The following NEDD1 variants were observed in gnomAD, a reference collection of about 807,000 sequenced individuals.
NEDD1 encodes protein NEDD1.
A neutral mutation model predicts 74.0 loss-of-function variants in NEDD1; 33 were observed. That is an observed-to-expected ratio of 0.45 (90% CI 0.34 to 0.60). NEDD1 has a LOEUF of 0.60. Ranked by LOEUF, NEDD1 falls within the 20% of genes least tolerant of loss-of-function variation. NEDD1 has a pLI of 0.01. For missense variants in NEDD1, 746 were observed against 776.5 expected (o/e 0.96, Z 0.47); for synonymous variants, 250 against 264.4 (o/e 0.95, Z 0.53).
chr12:96,907,492 G>C, intron 1 of NEDD1, 112 bp from the exon 2 acceptor site: 3 of 880,782 alleles, frequency 3.4e-6, no homozygotes, highest in Non-Finnish European at 5.5e-6. Flanking sequence ...GGCGCGGGCC[G>C]GGGTCGCGCA....
intron 4 of NEDD1, among the ~76,000 whole-genome samples, chr12:96,915,118 T>C (rs887453087): frequency 1.3e-5 from 2 of 152,244 alleles, no homozygotes; most frequent in African/African-American, 4.8e-5. Context: ...GCAGGAGAAT[T>C]ACAGCAACTA....
rs542713779 is a variant in NEDD1, at chr12:96,943,439, A to G, written c.1295-121A>G. ...GCGGGGTGTATCTGAGAAACAAACCAGTCTTCAGAATGCAGATCCATATCT... is the reference window on the plus strand; with the variant it reads ...GCGGGGTGTATCTGAGAAACAAACCGGTCTTCAGAATGCAGATCCATATCT... On this transcript the variant is annotated intron_variant, in intron 11 of 15. Transcript: ENST00000266742. The G allele has an allele frequency of 5.8e-5, 40 of 685,230 alleles. 1 individual carries two copies. The highest frequency in any genetic ancestry group is 2.4e-4 in the South Asian group (13 of 53,762). The allele number at this position is 685,230 out of a possible 1,614,324, so 42.4% of individuals were successfully genotyped here. A position where few individuals can be genotyped will look rare whatever the true frequency, so the allele number is the denominator to read the frequency against.
At chr12:96,918,784 TATA>T (rs746467853) in intron 5 of NEDD1, among the ~76,000 whole-genome samples, 1 of 152,214 alleles carries the variant, frequency 6.6e-6, no homozygotes, top group Non-Finnish European at 1.5e-5. Flanking sequence ...CTTGCCTCTT[TATA>T]AAGTCATAGA....
At chr12:96,932,456 AAAAAAAAATAT>A (rs1876594939) in intron 6 of NEDD1, among the ~76,000 whole-genome samples, 1 of 58,708 alleles carries the variant, frequency 1.7e-5, no homozygotes, top group Non-Finnish European at 3.3e-5. Flanking sequence ...AAAAAAAAAA[AAAAAAAAATAT>A]ATATATATAT....
At chr12:96,945,087 G>C (rs1878068759) in intron 13 of NEDD1, among the ~76,000 whole-genome samples, 1 of 151,932 alleles carries the variant, frequency 6.6e-6, no homozygotes, top group Non-Finnish European at 1.5e-5. Flanking sequence ...AAAAGGGTTG[G>C]TTAACTACCT....
chr12:96,918,792 CAT>C (rs1328156752), intron 5 of NEDD1, among the ~76,000 whole-genome samples: 8 of 152,158 alleles, frequency 5.3e-5, no homozygotes, highest in Non-Finnish European at 1.0e-4. Context: ...TTTATAAAGT[CAT>C]AGAAATTACA....
chr12:96,917,488 T>G (rs1368112769), intron 4 of NEDD1, 133 bp from the exon 5 acceptor site: 1 of 1,051,924 alleles, frequency 9.5e-7, no homozygotes. Context: ...GGCTCTTTAG[T>G]ACAAGATTAG....
At chr12:96,911,814 C>T (rs544439520) in intron 3 of NEDD1, among the ~76,000 whole-genome samples, 2 of 152,238 alleles carry the variant, frequency 1.3e-5, no homozygotes, top group African/African-American at 4.8e-5. Flanking sequence ...AATAAAATTA[C>T]AGTCTATGCT....
chr12:96,928,570 TC>T (rs1400626184), intron 6 of NEDD1, among the ~76,000 whole-genome samples: 2 of 152,052 alleles, frequency 1.3e-5, no homozygotes, highest in African/African-American at 4.8e-5. Context: ...AGTTTTTTAT[TC>T]CTAGGTTATT....
intron 6 of NEDD1, among the ~76,000 whole-genome samples, chr12:96,930,209 A>C (rs866407759): frequency 1.1e-5 from 1 of 94,032 alleles, no homozygotes; most frequent in African/African-American, 4.8e-5. Context: ...ACACACACAC[A>C]CACTCTCTCT....
At chr12:96,929,515 G>A (rs1376528129) in intron 6 of NEDD1, among the ~76,000 whole-genome samples, 1 of 147,466 alleles carries the variant, frequency 6.8e-6, no homozygotes, top group Non-Finnish European at 1.5e-5. Flanking sequence ...AGGTCAAAGT[G>A]GCTTTTCTAA....
rs758193257 is a variant in NEDD1, at chr12:96,951,506, T to C, written c.1878+8T>C. On this transcript the variant is annotated splice_region_variant and intron_variant, in intron 15 of 15. Coordinates refer to ENST00000266742, the MANE Select transcript of NEDD1 (RefSeq NM_152905.4). ...CAGTTTCATATGCAACTGGTATGTA[T>C]GGCAAATTTTATTTTAATATTTTAA... The C allele has an allele frequency of 5.7e-6, 8 of 1,397,508 alleles. No homozygotes were observed. The highest frequency in any genetic ancestry group is 2.3e-5 in the East Asian group (1 of 43,290). The allele number at this position is 1,397,508 out of a possible 1,614,324, so 86.6% of individuals were successfully genotyped here. A position where few individuals can be genotyped will look rare whatever the true frequency, so the allele number is the denominator to read the frequency against.
chr12:96,907,356 C>A (rs1440124588), intron 1 of NEDD1, 56 bp downstream of exon 1: 4 of 404,082 alleles, frequency 9.9e-6, no homozygotes, highest in Non-Finnish European at 1.7e-5. Flanking sequence ...GTCCGCGCAC[C>A]CTCCCGATCC....
In NEDD1 at chr12:96,944,804, A is replaced by G. The variant is rs1431775264; in HGVS notation, c.1654+9A>G. On this transcript the variant is annotated intron_variant, in intron 13 of 15. Transcript: ENST00000266742. ...TGGATCCTCAACTCCAAGTAAGTACATGAAACTTCCTGATGTTTGAAAGTG... is the reference window on the plus strand; with the variant it reads ...TGGATCCTCAACTCCAAGTAAGTACGTGAAACTTCCTGATGTTTGAAAGTG... The G allele has an allele frequency of 3.3e-6, 5 of 1,525,282 alleles. No homozygotes were observed. Among genetic ancestry groups the G allele is most frequent in the South Asian group, 1.3e-5 (1 of 77,176 alleles). 94.5% of individuals were successfully genotyped at this position (1,525,282 alleles called of 1,614,324 possible).
intron 14 of NEDD1, among the ~76,000 whole-genome samples, chr12:96,949,799 A>G (rs1878532655): frequency 6.6e-6 from 1 of 152,120 alleles, no homozygotes; most frequent in Admixed American, 6.6e-5. Context: ...AAATGGAATA[A>G]TCAGTAAGTT....
At position 96,945,698 on chromosome 12, in the gene NEDD1, A is replaced by C. The variant is rs1206591033; in HGVS notation, c.1660A>C (p.Lys554Gln). ...TTCTTCATTCTTTATTTTAGATCCA[A>C]AGATAGCATCTTCTGTCACTGCTGG... ...PINGSSTPNP[K>Q]IASSVTAGVA... Residue 554 changes from lysine (K) to glutamine (Q), a missense_variant, in exon 14 of 16, where the codon AAG becomes CAG. By Grantham distance (53) the Lys-to-Gln change is moderately conservative (BLOSUM62 1). Transcript: ENST00000266742. 6.3e-7 allele frequency: 1 copy of C among 1,584,308 alleles called. No homozygotes were observed. The highest frequency in any genetic ancestry group is 8.7e-7 in the Non-Finnish European group (1 of 1,153,750).
intron 2 of NEDD1, 33 bp downstream of exon 2, chr12:96,907,889 G>T (rs1413497925): frequency 1.5e-6 from 2 of 1,314,468 alleles, no homozygotes; most frequent in African/African-American, 3.0e-5. Context: ...TCCCCGCCCC[G>T]CTTTAAGAGC....
At chr12:96,932,960 T>TA (rs965140520) in intron 6 of NEDD1, among the ~76,000 whole-genome samples, 4 of 152,008 alleles carry the variant, frequency 2.6e-5, no homozygotes, top group Admixed American at 6.6e-5. Flanking sequence ...CCACTGAACT[T>TA]AGGTTTATCT....
chr12:96,941,065 T>A (rs1194600656), intron 10 of NEDD1, among the ~76,000 whole-genome samples: 1 of 152,086 alleles, frequency 6.6e-6, no homozygotes, highest in Non-Finnish European at 1.5e-5. Flanking sequence ...CTAACATCCA[T>A]AATGTTTTTC....
Sources: gnomAD v4.1 joint callset for allele counts (sites outside exome capture counted in the v4.1 genomes callset) on GRCh38, gnomAD v4.1.1 for gene constraint, MANE v1.5 for transcripts, NCBI Gene and HGNC (gene_info 2026-07-23, HGNC 2026-07-21) for gene names.